GDA: variants seen among roughly 807,000 people sequenced by gnomAD.
GDA encodes the protein cytoplasmic PSD-95 interactor.
In GDA, 18 loss-of-function variants were observed where a neutral mutation model predicts 59.6. The observed-to-expected ratio is 0.30, with a 90% CI of 0.21 to 0.45. GDA has a LOEUF of 0.45. GDA is among the 20% of genes least tolerant of loss of function. The pLI is 1.00. For missense variants in GDA, 427 were observed against 552.3 expected (o/e 0.77, Z 2.27); for synonymous variants, 201 against 201.1 (o/e 1.00, Z 0.00).
At chr9:72,121,855 T>A (rs1040755657) in intron 1 of GDA, among the ~76,000 whole-genome samples, 2 of 152,218 alleles carry the variant, frequency 1.3e-5, no homozygotes, top group Non-Finnish European at 2.9e-5. Context: ...CGTCAAAGAA[T>A]CTGAGTCCCT....
At chr9:72,222,687 T>C (rs1357108708) in intron 6 of GDA, among the ~76,000 whole-genome samples, 1 of 152,060 alleles carries the variant, frequency 6.6e-6, no homozygotes, top group Non-Finnish European at 1.5e-5. Flanking sequence ...CAAGGTTGTT[T>C]TTTTGTTGTT....
chr9:72,186,721 C>T (rs1831900051), intron 1 of GDA, among the ~76,000 whole-genome samples: 1 of 152,184 alleles, frequency 6.6e-6, no homozygotes, highest in Admixed American at 6.5e-5. Flanking sequence ...ACAGAATACT[C>T]CTGTCTATTT....
At chr9:72,127,143 A>G (rs978988601) in intron 1 of GDA, among the ~76,000 whole-genome samples, 6 of 152,088 alleles carry the variant, frequency 3.9e-5, no homozygotes, top group Non-Finnish European at 5.9e-5. Context: ...TCTTGTTCAC[A>G]CAGCATGACA....
chr9:72,129,155 GT>G (rs1442890750), intron 1 of GDA, among the ~76,000 whole-genome samples: 2 of 152,140 alleles, frequency 1.3e-5, no homozygotes, highest in Admixed American at 6.6e-5. Flanking sequence ...TACAGATGGG[GT>G]TTTGCCATGT....
intron 3 of GDA, among the ~76,000 whole-genome samples, chr9:72,208,939 C>T (rs771009638): frequency 9.2e-5 from 14 of 151,842 alleles, no homozygotes; most frequent in South Asian, 4.2e-4. Context: ...TATAATAGAG[C>T]GTTTTCTATT....
intron 2 of GDA, among the ~76,000 whole-genome samples, chr9:72,201,787 A>G (rs1312701859): frequency 6.6e-6 from 1 of 152,180 alleles, no homozygotes; most frequent in East Asian, 1.9e-4. Context: ...TACTGCCTCA[A>G]TTCTGTGGGT....
chr9:72,238,798 C>T (rs1395589357), intron 10 of GDA, among the ~76,000 whole-genome samples: 3 of 152,162 alleles, frequency 2.0e-5, no homozygotes, highest in Non-Finnish European at 4.4e-5. Context: ...ATTTTCCTTC[C>T]TCCTCCACAC....
At chr9:72,198,084 C>A (rs1587601354) in intron 2 of GDA, among the ~76,000 whole-genome samples, 1 of 152,136 alleles carries the variant, frequency 6.6e-6, no homozygotes, top group Non-Finnish European at 1.5e-5. Flanking sequence ...ACTTTTAAGA[C>A]AATATTTTAA....
At chr9:72,194,984 C>CA in intron 1 of GDA, among the ~76,000 whole-genome samples, 1 of 152,326 alleles carries the variant, frequency 6.6e-6, no homozygotes, top group East Asian at 1.9e-4. Flanking sequence ...CTCCACACCA[C>CA]ATCACCACGC....
Position 72,153,275 on chromosome 9 carries a change from C to T in GDA, c.123+3593C>T, listed in dbSNP as rs569244792. ...CTTAGGATTGACTTGGTGATGCGGGCTCTTTTTTGGTTCCATATGAACTTT... is the reference window on the plus strand; with the variant it reads ...CTTAGGATTGACTTGGTGATGCGGGTTCTTTTTTGGTTCCATATGAACTTT... On this transcript the variant is annotated intron_variant, in intron 1 of 13. Coordinates refer to ENST00000358399, the MANE Select transcript of GDA (RefSeq NM_004293.5). Among the ~76,000 whole-genome samples, 253 of 152,118 alleles carry T rather than the reference C, an allele frequency of 1.7e-3. 4 individuals are homozygous for T. Among genetic ancestry groups the T allele is most frequent in the African/African-American group, 5.8e-3 (240 of 41,458 alleles).
chr9:72,192,613 G>T (rs1291381665), intron 1 of GDA, among the ~76,000 whole-genome samples: 1 of 151,018 alleles, frequency 6.6e-6, no homozygotes, highest in Non-Finnish European at 1.5e-5. Context: ...CGGGCACATT[G>T]CCTCACACCT....
At chr9:72,121,679 A>G (rs1179027398) in intron 1 of GDA, among the ~76,000 whole-genome samples, 2 of 152,086 alleles carry the variant, frequency 1.3e-5, no homozygotes, top group East Asian at 1.9e-4. Flanking sequence ...CTTTAACCCA[A>G]TCATTATCTC....
intron 1 of GDA, among the ~76,000 whole-genome samples, chr9:72,133,298 A>AG: frequency 7.4e-6 from 1 of 134,940 alleles, no homozygotes; most frequent in South Asian, 2.4e-4. Flanking sequence ...AAAAAAAAAA[A>AG]AAAAAAAAAA....
intron 1 of GDA, among the ~76,000 whole-genome samples, chr9:72,176,164 AG>A (rs1259399684): frequency 6.6e-6 from 1 of 152,208 alleles, no homozygotes; most frequent in Non-Finnish European, 1.5e-5. Flanking sequence ...CTGAGGTTAA[AG>A]GTCATTCACA....
chr9:72,132,719 G>A (rs1249455831), intron 1 of GDA, among the ~76,000 whole-genome samples: 7 of 151,996 alleles, frequency 4.6e-5, no homozygotes, highest in Non-Finnish European at 8.8e-5. Context: ...AGGTTTTACT[G>A]GACCCTAAGT....
intron 1 of GDA, among the ~76,000 whole-genome samples, chr9:72,138,944 G>A (rs750241029): frequency 3.9e-5 from 6 of 152,138 alleles, no homozygotes; most frequent in African/African-American, 9.7e-5. Context: ...AATAATTTAT[G>A]TAATTAAGTT....
downstream of GDA, among the ~76,000 whole-genome samples, chr9:72,252,980 A>T (rs1282425503): frequency 6.6e-6 from 1 of 152,236 alleles, no homozygotes; most frequent in Non-Finnish European, 1.5e-5. Context: ...AAATAAAAAT[A>T]GAAATAATTT....
chr9:72,258,335 T>G (rs562352533), downstream of GDA, among the ~76,000 whole-genome samples: 2 of 151,390 alleles, frequency 1.3e-5, no homozygotes, highest in African/African-American at 4.9e-5. Context: ...AAAGAGAAAA[T>G]AGAAGAAAAG....
chr9:72,159,408 A>AG (rs1306564467), intron 1 of GDA, among the ~76,000 whole-genome samples: 2 of 152,052 alleles, frequency 1.3e-5, no homozygotes, highest in African/African-American at 2.4e-5. Context: ...AAAGAAAAAG[A>AG]GAAAAAAAAA....
Sources: allele counts gnomAD v4.1 joint callset (sites outside exome capture counted in the v4.1 genomes callset), GRCh38; gene constraint gnomAD v4.1.1; transcripts MANE v1.5; gene names NCBI Gene and HGNC (gene_info 2026-07-23, HGNC 2026-07-21).